The following KCNE1 variants were observed in gnomAD, a reference collection of about 807,000 sequenced individuals.
KCNE1 encodes potassium voltage-gated channel subfamily E regulatory subunit 1, also known as potassium voltage-gated channel subfamily E member 1.
A neutral mutation model predicts 2.9 loss-of-function variants in KCNE1; 1 was observed. The observed-to-expected ratio is 0.34, with a 90% CI of 0.12 to 1.62. The LOEUF is 1.62. Among genes scored for constraint, KCNE1 ranks in the 40% most tolerant of loss-of-function variants. The pLI, the probability that KCNE1 is intolerant of heterozygous loss-of-function variation, is 0.36. For synonymous variants in KCNE1, 23 were observed against 65.4 expected (o/e 0.35, Z 3.13); for missense variants, 45 against 150.5 (o/e 0.30, Z 3.67).
chr21:34,504,770 G>A (rs951046645), intron 2 of KCNE1, among the ~76,000 whole-genome samples: 1 of 152,226 alleles, frequency 6.6e-6, no homozygotes, highest in Non-Finnish European at 1.5e-5. Context: ...CCTCAAGTAT[G>A]TTAGGCTAAG....
intron 2 of KCNE1, among the ~76,000 whole-genome samples, chr21:34,496,589 A>G (rs1441387217): frequency 6.6e-6 from 1 of 152,176 alleles, no homozygotes; most frequent in Non-Finnish European, 1.5e-5. Context: ...CATATGGTCT[A>G]TCTTGGAGAA....
intron 2 of KCNE1, among the ~76,000 whole-genome samples, chr21:34,496,805 AGG>A (rs1176951716): frequency 6.6e-6 from 1 of 152,124 alleles, no homozygotes; most frequent in African/African-American, 2.4e-5. Context: ...CTAATTTCTT[AGG>A]TCTGGTAATA....
At chr21:34,505,616 G>C (rs948373151) in intron 2 of KCNE1, among the ~76,000 whole-genome samples, 1 of 152,186 alleles carries the variant, frequency 6.6e-6, no homozygotes, top group African/African-American at 2.4e-5. Flanking sequence ...CCAGGTCTTA[G>C]AGACCTGAGC....
chr21:34,511,954 C>G (rs1355551518), intron 1 of KCNE1, 73 bp downstream of exon 1: 1 of 152,476 alleles, frequency 6.6e-6, no homozygotes, highest in East Asian at 1.9e-4. Flanking sequence ...ACCTAGAATT[C>G]CCCTGACCAG....
intron 2 of KCNE1, among the ~76,000 whole-genome samples, chr21:34,505,604 GC>G (rs1372012472): frequency 6.6e-6 from 1 of 152,192 alleles, no homozygotes; most frequent in Admixed American, 6.5e-5. Context: ...GGGGCTTGAA[GC>G]CCAGGTCTTA....
chr21:34,449,429 T>C lies in KCNE1; in HGVS notation c.206A>G (p.Lys69Arg), dbSNP rs149338401. The C allele has an allele frequency of 3.8e-5, 60 of 1,570,944 alleles. No individual in the cohort carries two copies. The African/African-American group carries it at 7.7e-4, about 20-fold the overall frequency. ...TGGGTCGTTCGAGTGCTCCAGCTTC[T>C]TGGAGCGGATGTAGCTCAGCATGAT... ...LGIMLSYIRS[K>R]KLEHSNDPFN... Residue 69 changes from lysine to arginine, a missense_variant, in exon 4 of 4, where the codon AAG (lysine) becomes AGG (arginine). Transcript: ENST00000399286.
intron 2 of KCNE1, among the ~76,000 whole-genome samples, chr21:34,503,996 C>T (rs768195057): frequency 1.8e-4 from 28 of 152,218 alleles, no homozygotes; most frequent in Non-Finnish European, 3.1e-4. Context: ...TAAGCACCAT[C>T]CCCCATGTCC....
At chr21:34,496,563 G>GT (rs148735567) in intron 2 of KCNE1, among the ~76,000 whole-genome samples, 1,672 of 144,742 alleles carry the variant, frequency 0.012, 53 homozygotes, top group East Asian at 0.11. Flanking sequence ...TTATTGAGAT[G>GT]TTTTTTGTGG....
At position 34,498,359 on chromosome 21, in the gene KCNE1, G is replaced by A. The variant is rs561823137; in HGVS notation, c.-162+12742C>T. 2.0e-5 allele frequency among the ~76,000 whole-genome samples: 3 copies of A among 152,350 alleles called. No homozygotes were observed. The East Asian group carries it at 5.8e-4, about 29-fold the overall frequency. ...TTCAATGGAAAGATCTGGAACTCAA[G>A]GGCTGCTGTTCACATTCTTTTGTCC... On this transcript the variant is annotated intron_variant, in intron 2 of 3. Coordinates refer to ENST00000399286, the MANE Select transcript of KCNE1 (RefSeq NM_000219.6).
At chr21:34,496,027 A>AT (rs1200907795) in intron 2 of KCNE1, among the ~76,000 whole-genome samples, 1 of 151,102 alleles carries the variant, frequency 6.6e-6, no homozygotes, top group African/African-American at 2.4e-5. Flanking sequence ...ATGCTATGAA[A>AT]TTTTTCTTAG....
At chr21:34,507,164 A>G (rs1983544241) in intron 2 of KCNE1, among the ~76,000 whole-genome samples, 1 of 152,034 alleles carries the variant, frequency 6.6e-6, no homozygotes, top group South Asian at 2.1e-4. Context: ...GGAATGGGGG[A>G]AGCTTTGCTT....
intron 2 of KCNE1, among the ~76,000 whole-genome samples, chr21:34,503,636 C>A (rs1983300474): frequency 6.6e-6 from 1 of 152,294 alleles, no homozygotes. Context: ...ACCCATTACT[C>A]ATTAGCATAC....
intron 2 of KCNE1, among the ~76,000 whole-genome samples, chr21:34,504,161 C>T (rs989150329): frequency 2.0e-5 from 3 of 152,174 alleles, no homozygotes; most frequent in South Asian, 2.1e-4. Flanking sequence ...ACAACCACTC[C>T]GTCGTGGAGG....
At chr21:34,503,909 C>A (rs1016153137) in intron 2 of KCNE1, among the ~76,000 whole-genome samples, 3 of 152,222 alleles carry the variant, frequency 2.0e-5, no homozygotes, top group Non-Finnish European at 4.4e-5. Flanking sequence ...GCGCACCTCA[C>A]CTTGTGAATT....
At chr21:34,497,614 G>A (rs1461153611) in intron 2 of KCNE1, among the ~76,000 whole-genome samples, 2 of 152,240 alleles carry the variant, frequency 1.3e-5, no homozygotes, top group African/African-American at 4.8e-5. Flanking sequence ...GCTCTTAAGA[G>A]TCTTTCCTTC....
intron 2 of KCNE1, among the ~76,000 whole-genome samples, chr21:34,501,844 A>G (rs187208991): frequency 6.6e-6 from 1 of 152,324 alleles, no homozygotes; most frequent in East Asian, 1.9e-4. Context: ...CTGCAGGTTA[A>G]AGAATGACAT....
rs1366773435 is a variant in KCNE1 at position 34,446,949 on chromosome 21, G to A, written c.*2296C>T. 1 of 14,922 alleles carries A rather than the reference G, an allele frequency of 6.7e-5. No homozygotes were observed. Among genetic ancestry groups the A allele is most frequent in the Non-Finnish European group, 1.4e-4 (1 of 7,340 alleles). The allele number at this position is 14,922 out of a possible 1,614,324, so 0.9% of individuals were successfully genotyped here. A position where few individuals can be genotyped will look rare whatever the true frequency, so the allele number is the denominator to read the frequency against. On this transcript the variant is annotated 3_prime_UTR_variant, in exon 4 of 4. Coordinates refer to ENST00000399286, the MANE Select transcript of KCNE1 (RefSeq NM_000219.6). ...TCCCTCTCCCCCTTTAAAATGTAGAGGAAGGAGAAGAAGAGATAAGAGGTT... is the reference window on the plus strand; with the variant it reads ...TCCCTCTCCCCCTTTAAAATGTAGAAGAAGGAGAAGAAGAGATAAGAGGTT...
Position 34,449,235 on chromosome 21 carries a change from G to T in KCNE1, c.*10C>A. 2 of 730,232 alleles carry T rather than the reference G, an allele frequency of 2.7e-6. No homozygotes were observed. Among genetic ancestry groups the T allele is most frequent in the South Asian group, 3.1e-5 (2 of 65,132 alleles). 45.2% of individuals were successfully genotyped at this position (730,232 alleles called of 1,614,324 possible). Reference sequence around the variant, plus strand: ...GGCAGGATGTGTCCAGTTTTAGCCAGTGGTGGGGTTCATGGGGAAGGCTTC... The same window carrying T: ...GGCAGGATGTGTCCAGTTTTAGCCATTGGTGGGGTTCATGGGGAAGGCTTC... On this transcript the variant is annotated 3_prime_UTR_variant, in exon 4 of 4. Transcript: ENST00000399286.
intron 2 of KCNE1, among the ~76,000 whole-genome samples, chr21:34,502,069 T>C (rs545328127): frequency 6.6e-6 from 1 of 152,326 alleles, no homozygotes; most frequent in East Asian, 1.9e-4. Context: ...TGGACTGCAT[T>C]CATGCATGCT....
Sources: allele counts gnomAD v4.1 joint callset (sites outside exome capture counted in the v4.1 genomes callset), GRCh38; gene constraint gnomAD v4.1.1; transcripts MANE v1.5; gene names NCBI Gene and HGNC (gene_info 2026-07-23, HGNC 2026-07-21).